The following SGCZ variants were observed in gnomAD, a reference collection of about 807,000 sequenced individuals.
SGCZ encodes the protein sarcoglycan zeta, also known as zeta-sarcoglycan.
SGCZ carries 40 observed loss-of-function variants against 41.3 expected under a neutral mutation model. That is an observed-to-expected ratio of 0.97 (90% CI 0.75 to 1.26). SGCZ has a LOEUF of 1.26. SGCZ is among the 50% of genes most tolerant of loss of function. SGCZ has a pLI of 0.00. For synonymous variants in SGCZ, 206 were observed against 137.5 expected (o/e 1.50, Z -3.49); for missense variants, 552 against 369.8 (o/e 1.49, Z -4.04).
chr8:14,641,521 G>C (rs868589450), intron 1 of SGCZ, among the ~76,000 whole-genome samples: 1 of 151,610 alleles, frequency 6.6e-6, no homozygotes, highest in Non-Finnish European at 1.5e-5. Flanking sequence ...AACGTTTTTA[G>C]AGTTTCCAAG....
At chr8:14,477,072 CTACT>C (rs1801382991) in intron 2 of SGCZ, among the ~76,000 whole-genome samples, 2 of 152,184 alleles carry the variant, frequency 1.3e-5, no homozygotes, top group Non-Finnish European at 2.9e-5. Context: ...TAATTAAACC[CTACT>C]TATTCTACTT....
chr8:14,489,382 A>G (rs1200253899), intron 2 of SGCZ, among the ~76,000 whole-genome samples: 1 of 152,204 alleles, frequency 6.6e-6, no homozygotes, highest in Non-Finnish European at 1.5e-5. Context: ...TTTCTTCTTA[A>G]CAACATTATA....
intron 2 of SGCZ, among the ~76,000 whole-genome samples, chr8:14,443,196 G>T (rs1471675501): frequency 6.6e-6 from 1 of 152,174 alleles, no homozygotes; most frequent in African/African-American, 2.4e-5. Flanking sequence ...CCATGCTCAT[G>T]GGTAGGAAGA....
intron 1 of SGCZ, among the ~76,000 whole-genome samples, chr8:14,958,443 T>C (rs1800862535): frequency 6.6e-6 from 1 of 152,030 alleles, no homozygotes; most frequent in Non-Finnish European, 1.5e-5. Flanking sequence ...GGTAACATGG[T>C]AAACTCTGAA....
intron 7 of SGCZ, among the ~76,000 whole-genome samples, chr8:14,099,080 T>C (rs991483024): frequency 6.6e-6 from 1 of 152,132 alleles, no homozygotes; most frequent in African/African-American, 2.4e-5. Context: ...TTAGAGAAAA[T>C]GATATTGGCT....
intron 1 of SGCZ, among the ~76,000 whole-genome samples, chr8:15,186,270 A>G (rs888013053): frequency 2.5e-4 from 4 of 16,152 alleles, no homozygotes; most frequent in African/African-American, 3.8e-4. Flanking sequence ...ACCAAAAAAA[A>G]AAAAAAAAAA....
chr8:14,606,891 T>C (rs1298374074), intron 1 of SGCZ, among the ~76,000 whole-genome samples: 1 of 152,168 alleles, frequency 6.6e-6, no homozygotes, highest in Admixed American at 6.5e-5. Flanking sequence ...GACTATTAAG[T>C]ATTAGAGATA....
rs536959268 is a variant in SGCZ, at chr8:14,227,418, G to A, written c.424+10174C>T. 3.2e-4 allele frequency among the ~76,000 whole-genome samples: 48 copies of A among 152,126 alleles called. 4 individuals are homozygous for A. Among genetic ancestry groups the A allele is most frequent in the African/African-American group, 1.1e-3 (47 of 41,522 alleles). On this transcript the variant is annotated intron_variant, in intron 4 of 7. Transcript: ENST00000382080. Reference sequence around the variant, plus strand: ...ATGTTGAAAACAAAACAGCTAATATGTGACCTCAGAATCAAAATAAGCCAT... The same window carrying A: ...ATGTTGAAAACAAAACAGCTAATATATGACCTCAGAATCAAAATAAGCCAT...
intron 5 of SGCZ, among the ~76,000 whole-genome samples, chr8:14,145,400 T>G (rs999034688): frequency 1.3e-5 from 2 of 152,142 alleles, no homozygotes; most frequent in African/African-American, 4.8e-5. Flanking sequence ...ATACACCCTA[T>G]AGCAGATACA....
Position 15,237,873 on chromosome 8 carries a change from C to T in SGCZ, c.-250G>A. ...ACAGGTGATCTCTACCGCGGTGCAA[C>T]ACAGCTGAGTCGATTGAAACAGGGG... On this transcript the variant is annotated 5_prime_UTR_variant, in exon 1 of 8. Coordinates refer to ENST00000382080, the MANE Select transcript of SGCZ (RefSeq NM_139167.4). 1 of 466,590 alleles carries T rather than the reference C, an allele frequency of 2.1e-6. No individual in the cohort carries two copies. The highest frequency in any genetic ancestry group is 3.8e-6 in the Non-Finnish European group (1 of 259,784). 28.9% of individuals were successfully genotyped at this position (466,590 alleles called of 1,614,324 possible).
chr8:14,674,196 C>T (rs1215600268), intron 1 of SGCZ, among the ~76,000 whole-genome samples: 1 of 151,740 alleles, frequency 6.6e-6, no homozygotes, highest in African/African-American at 2.4e-5. Flanking sequence ...AGTAAGAATC[C>T]CTTTTTCTTG....
At position 14,687,502 on chromosome 8, in the gene SGCZ, T is replaced by C. The variant is rs927566255; in HGVS notation, c.40-132576A>G. 4.1e-4 allele frequency among the ~76,000 whole-genome samples: 62 copies of C among 151,942 alleles called. 2 individuals are homozygous for C. The highest frequency in any genetic ancestry group is 1.9e-4 in the African/African-American group (8 of 41,356). On this transcript the variant is annotated intron_variant, in intron 1 of 7. Coordinates refer to ENST00000382080, the MANE Select transcript of SGCZ (RefSeq NM_139167.4). ...GAATGATGATTTCCAATTTCATCCA[T>C]GTCCCTACAAAGGACATGAACTCAT...
chr8:14,803,387 G>A (rs550719324), intron 1 of SGCZ, among the ~76,000 whole-genome samples: 6 of 152,228 alleles, frequency 3.9e-5, no homozygotes, highest in East Asian at 3.9e-4. Context: ...TGCGCAAGCC[G>A]AAGCAGGGTG....
At chr8:14,669,226 C>G (rs1371561219) in intron 1 of SGCZ, among the ~76,000 whole-genome samples, 3 of 150,596 alleles carry the variant, frequency 2.0e-5, no homozygotes, top group Non-Finnish European at 4.4e-5. Flanking sequence ...GGCATAGTAG[C>G]TTGCACCTGT....
At chr8:14,595,454 G>A (rs1458637138) in intron 1 of SGCZ, among the ~76,000 whole-genome samples, 2 of 147,408 alleles carry the variant, frequency 1.4e-5, no homozygotes, top group African/African-American at 2.5e-5. Context: ...ATGTACTGAT[G>A]GGTGGCTGGA....
chr8:15,080,059 T>C (rs1805682963), intron 1 of SGCZ, among the ~76,000 whole-genome samples: 1 of 152,172 alleles, frequency 6.6e-6, no homozygotes, highest in African/African-American at 2.4e-5. Context: ...ATCTTCTGTT[T>C]TTCTTGTTTG....
chr8:14,782,730 A>T (rs1301708592), intron 1 of SGCZ, among the ~76,000 whole-genome samples: 1 of 151,012 alleles, frequency 6.6e-6, no homozygotes, highest in Non-Finnish European at 1.5e-5. Flanking sequence ...CAAACAAGGA[A>T]CCTTATACTC....
chr8:14,582,778 G>T lies in SGCZ; in HGVS notation c.40-27852C>A, dbSNP rs913676600. Among the ~76,000 whole-genome samples, 184 of 150,042 alleles carry T rather than the reference G, an allele frequency of 1.2e-3. 2 individuals are homozygous for T. The highest frequency in any genetic ancestry group is 4.0e-3 in the Admixed American group (60 of 14,976). ...GTGGTGTTTGGTTTTTTGTCCTTGC[G>T]ATAGTTTACTGAGAATGATGATTTC... On this transcript the variant is annotated intron_variant, in intron 1 of 7. Coordinates refer to ENST00000382080, the MANE Select transcript of SGCZ (RefSeq NM_139167.4).
At chr8:15,139,148 C>T (rs903308677) in intron 1 of SGCZ, among the ~76,000 whole-genome samples, 2 of 152,142 alleles carry the variant, frequency 1.3e-5, no homozygotes, top group African/African-American at 4.8e-5. Context: ...GGCTGTTCTC[C>T]AGTTCCTGCT....
Sources: allele counts gnomAD v4.1 joint callset (sites outside exome capture counted in the v4.1 genomes callset), GRCh38; gene constraint gnomAD v4.1.1; transcripts MANE v1.5; gene names NCBI Gene and HGNC (gene_info 2026-07-23, HGNC 2026-07-21).